C12orf42: variants seen among roughly 807,000 people sequenced by gnomAD.
C12orf42 encodes the protein uncharacterized protein C12orf42.
A neutral mutation model predicts 21.6 loss-of-function variants in C12orf42; 25 were observed. The ratio of observed to expected loss-of-function variants is 1.16; its 90% CI spans 0.84 to 1.62. The LOEUF is 1.62. Among genes scored for constraint, C12orf42 ranks in the 40% most tolerant of loss-of-function variants. The pLI is 0.00. For synonymous variants in C12orf42, 174 were observed against 175.0 expected (o/e 0.99, Z 0.05); for missense variants, 483 against 459.3 (o/e 1.05, Z -0.47).
At chr12:103,349,313 C>A (rs1442774851) in intron 4 of C12orf42, 1 of 151,862 alleles carries the variant, frequency 6.6e-6, no homozygotes, top group African/African-American at 2.4e-5. Flanking sequence ...GAGAAGCCCA[C>A]CTTTAATGAA....
At chr12:103,356,177 C>A (rs2043531680) in intron 4 of C12orf42, among the ~76,000 whole-genome samples, 1 of 152,060 alleles carries the variant, frequency 6.6e-6, no homozygotes, top group Non-Finnish European at 1.5e-5. Flanking sequence ...CAGCTTCCTC[C>A]CTTTTATGCC....
At chr12:103,147,074 C>T in the C12orf42 span, among the ~76,000 whole-genome samples, 1 of 152,054 alleles carries the variant, frequency 6.6e-6, no homozygotes, top group Non-Finnish European at 1.5e-5. Flanking sequence ...CTTAAGAAGG[C>T]CCGTAAGTAT....
At chr12:103,146,563 A>AGAAAGAAAGAAAGAAT in the C12orf42 span, among the ~76,000 whole-genome samples, 12,632 of 123,510 alleles carry the variant, frequency 0.1, 646 homozygotes, top group African/African-American at 0.16. Flanking sequence ...AAGAAAGAAA[A>AGAAAGAAAGAAAGAAT]GAAAGAAAGA....
the C12orf42 span, among the ~76,000 whole-genome samples, chr12:103,229,542 C>G: frequency 6.6e-6 from 1 of 152,070 alleles, no homozygotes; most frequent in African/African-American, 2.4e-5. Context: ...TCTAGTCTTA[C>G]CATTTTGTGT....
intron 2 of C12orf42, among the ~76,000 whole-genome samples, chr12:103,433,838 A>G (rs1950447772): frequency 6.6e-6 from 1 of 152,334 alleles, no homozygotes; most frequent in South Asian, 2.1e-4. Flanking sequence ...TGAATGACTT[A>G]ATTTTGCTTG....
chr12:103,531,301 T>G, the C12orf42 span, among the ~76,000 whole-genome samples: 1 of 152,212 alleles, frequency 6.6e-6, no homozygotes, highest in Non-Finnish European at 1.5e-5. Flanking sequence ...CTTTTTTTCT[T>G]TTTATAAAAC....
intron 10 of C12orf42, among the ~76,000 whole-genome samples, chr12:103,248,566 TGTATA>T (rs60317959): frequency 0.057 from 8,593 of 152,020 alleles, 558 homozygotes; most frequent in African/African-American, 0.16. Context: ...ATATATTACA[TGTATA>T]ATATATTTCT....
chr12:103,224,016 A>G, the C12orf42 span, among the ~76,000 whole-genome samples: 1 of 152,212 alleles, frequency 6.6e-6, no homozygotes, highest in Non-Finnish European at 1.5e-5. Context: ...CTCATCTGTT[A>G]TCAGACTGTA....
chr12:103,284,760 T>TC (rs2036339866), intron 4 of C12orf42, among the ~76,000 whole-genome samples: 2 of 152,222 alleles, frequency 1.3e-5, no homozygotes, highest in South Asian at 4.1e-4. Context: ...TCATGGGTTT[T>TC]CCCACAGAGC....
chr12:103,454,064 G>A (rs2137538993), intron 2 of C12orf42, among the ~76,000 whole-genome samples: 1 of 152,210 alleles, frequency 6.6e-6, no homozygotes, highest in East Asian at 1.9e-4. Context: ...AAGGTCCTGA[G>A]CTATAGTTTC....
the C12orf42 span, among the ~76,000 whole-genome samples, chr12:103,555,236 C>T: frequency 6.6e-6 from 1 of 152,138 alleles, no homozygotes; most frequent in Non-Finnish European, 1.5e-5. Flanking sequence ...TACAGTTTCA[C>T]GTGGCTGGGG....
the C12orf42 span, among the ~76,000 whole-genome samples, chr12:103,138,882 T>C: frequency 6.6e-6 from 1 of 152,162 alleles, no homozygotes; most frequent in Non-Finnish European, 1.5e-5. Context: ...ATCAAACTTC[T>C]CTACAGTGTT....
intron 2 of C12orf42, among the ~76,000 whole-genome samples, chr12:103,438,975 G>A (rs1950973195): frequency 1.3e-5 from 2 of 152,176 alleles, no homozygotes; most frequent in African/African-American, 4.8e-5. Context: ...AAAGAACAAA[G>A]CTGGAGGCAT....
At chr12:103,466,723 T>C (rs981730578) in intron 2 of C12orf42, among the ~76,000 whole-genome samples, 2 of 152,202 alleles carry the variant, frequency 1.3e-5, no homozygotes, top group African/African-American at 4.8e-5. Context: ...CCCTTTGCCA[T>C]ATAACGTTGT....
At chr12:103,334,399 GAGTA>G (rs1442947534) in intron 4 of C12orf42, among the ~76,000 whole-genome samples, 4 of 152,042 alleles carry the variant, frequency 2.6e-5, no homozygotes, top group Non-Finnish European at 5.9e-5. Context: ...TACTGACAAT[GAGTA>G]AGTGTCATTG....
chr12:103,255,782 T>C (rs1239023021), intron 10 of C12orf42, among the ~76,000 whole-genome samples: 1 of 151,690 alleles, frequency 6.6e-6, no homozygotes, highest in Non-Finnish European at 1.5e-5. Flanking sequence ...CCGGGCGCGA[T>C]GGCTCACGCC....
At chr12:103,126,617 G>A in the C12orf42 span, among the ~76,000 whole-genome samples, 8 of 151,254 alleles carry the variant, frequency 5.3e-5, no homozygotes, top group Admixed American at 1.3e-4. Flanking sequence ...AAAGGAAGAC[G>A]CAAACTTGTT....
downstream of C12orf42, among the ~76,000 whole-genome samples, chr12:103,233,700 G>GT (rs916543213): frequency 1.3e-5 from 2 of 152,116 alleles, no homozygotes; most frequent in African/African-American, 4.8e-5. Flanking sequence ...AGTTCCGGGA[G>GT]TTTTTTGCCA....
intron 10 of C12orf42, among the ~76,000 whole-genome samples, chr12:103,252,138 G>T (rs2034338485): frequency 6.6e-6 from 1 of 152,010 alleles, no homozygotes; most frequent in Non-Finnish European, 1.5e-5. Flanking sequence ...CTTTTTTATG[G>T]CTGCATAGTA....
Sources: allele counts gnomAD v4.1 joint callset (sites outside exome capture counted in the v4.1 genomes callset), GRCh38; gene constraint gnomAD v4.1.1; transcripts MANE v1.5; gene names NCBI Gene and HGNC (gene_info 2026-07-23, HGNC 2026-07-21).